Variants in GRIPAP1 observed in about 807,000 individuals in gnomAD.
The protein encoded by GRIPAP1 is GRIP1-associated protein 1.
In GRIPAP1, 14 loss-of-function variants were observed where a neutral mutation model predicts 84.1. That is an observed-to-expected ratio of 0.17 (90% CI 0.11 to 0.26). The LOEUF is 0.26. GRIPAP1 is among the 10% of genes least tolerant of loss of function. The probability of loss-of-function intolerance (pLI) is 1.00; values close to 1 mark genes in which losing one functional copy is unlikely to be tolerated. For missense variants in GRIPAP1, 518 were observed against 674.2 expected, an observed-to-expected ratio of 0.77 and a Z score of 2.57; for synonymous variants, 261 against 256.8, an observed-to-expected ratio of 1.02 and a Z score of -0.15.
intron 21 of GRIPAP1, among the ~76,000 whole-genome samples, chrX:48,980,094 T>G (rs1170896591): frequency 9.1e-6 from 1 of 110,483 alleles, no homozygotes; most frequent in East Asian, 2.9e-4. Flanking sequence ...GTATCCCGAG[T>G]GGGGGAATAA....
chrX:49,000,364 CAAAAAAA>C (rs1156902802), intron 1 of GRIPAP1, among the ~76,000 whole-genome samples: 5 of 22,217 alleles, frequency 2.3e-4, no homozygotes, highest in African/African-American at 1.2e-3. Context: ...GACTCTGTCT[CAAAAAAA>C]AAAAAAAAAA....
At chrX:48,999,390 C>T (rs377601957) in intron 2 of GRIPAP1, 48 bp downstream of exon 2, 18 of 1,122,745 alleles carry the variant, frequency 1.6e-5, no homozygotes, top group Non-Finnish European at 2.2e-5. Flanking sequence ...AAACCTCGGA[C>T]ACCATTCCCC....
Position 48,999,284 on chromosome X carries a change from C to T in GRIPAP1, c.125G>A (p.Arg42Gln). 8.3e-7 allele frequency: 1 copy of T among 1,208,505 alleles called. No individual in the cohort carries two copies. Among genetic ancestry groups the T allele is most frequent in the Non-Finnish European group, 1.1e-6 (1 of 892,779 alleles). Reference sequence around the variant, plus strand: ...CTTATCCAAGTAGGCGACCTTCTGTCGAAGACTGGTGAGTTCTGGTGTCGG... The same window carrying T: ...CTTATCCAAGTAGGCGACCTTCTGTTGAAGACTGGTGAGTTCTGGTGTCGG... ...RKNGVELTSL[R>Q]QKVAYLDKEF... Residue 42 changes from arginine (R) to glutamine (Q), a missense_variant, in exon 3 of 26, where the codon CGA becomes CAA. This residue lies in a region of GRIPAP1 where 372 missense variants were observed against 458.1 expected (regional missense o/e 0.81). Coordinates refer to ENST00000376423, the MANE Select transcript of GRIPAP1 (RefSeq NM_020137.5).
rs1218360444 is a variant in GRIPAP1 at position 48,999,294 on chromosome X, T to C, written c.115A>G (p.Thr39Ala). Reference sequence around the variant, plus strand: ...TAGGCGACCTTCTGTCGAAGACTGGTGAGTTCTGGTGTCGGGAAAGCAGGG... The same window carrying C: ...TAGGCGACCTTCTGTCGAAGACTGGCGAGTTCTGGTGTCGGGAAAGCAGGG... ...DELRKNGVEL[T>A]SLRQKVAYLD... is the part of the protein sequence containing the mutation. Residue 39 changes from threonine (T) to alanine (A), a missense_variant, in exon 3 of 26, where the codon ACC becomes GCC. This residue lies in a region of GRIPAP1 where 372 missense variants were observed against 458.1 expected (regional missense o/e 0.81). Transcript: ENST00000376423. 3 of 1,203,769 alleles carry C rather than the reference T, an allele frequency of 2.5e-6. No homozygotes were observed. Among genetic ancestry groups the C allele is most frequent in the Non-Finnish European group, 3.4e-6 (3 of 889,959 alleles).
intron 14 of GRIPAP1, among the ~76,000 whole-genome samples, chrX:48,984,194 G>A (rs1229408239): frequency 9.0e-5 from 10 of 111,013 alleles, no homozygotes; most frequent in Admixed American, 2.9e-4. Flanking sequence ...TTAAAGGAAA[G>A]GGGCACACTC....
intron 21 of GRIPAP1, 34 bp from the exon 22 acceptor site, chrX:48,978,469 A>C: frequency 8.7e-7 from 1 of 1,146,463 alleles, no homozygotes; most frequent in Non-Finnish European, 1.2e-6. Context: ...CTTGAGCCCC[A>C]ATACCCCTGA....
In GRIPAP1 at chrX:48,978,269, A is replaced by G. The variant is rs781860051; in HGVS notation, c.2061+36T>C. On this transcript the variant is annotated intron_variant, in intron 22 of 25. Coordinates refer to ENST00000376423, the MANE Select transcript of GRIPAP1 (RefSeq NM_020137.5). ...GGGGTTCTCAGATTTTTGGGTTGAG[A>G]GAAGCTGGAGCTGTAGGTTCTTCCT... 10 of 1,202,907 alleles carry G rather than the reference A, an allele frequency of 8.3e-6. No individual in the cohort carries two copies. In the East Asian group the frequency reaches 2.7e-4, roughly 32 times the overall value.
chrX:48,998,080 A>T (rs2064557232), intron 4 of GRIPAP1, 74 bp downstream of exon 4: 1 of 758,785 alleles, frequency 1.3e-6, no homozygotes, highest in Non-Finnish European at 2.1e-6. Flanking sequence ...GGCCAGTACA[A>T]GGAAATATCA....
At position 48,999,409 on chromosome X, in the gene GRIPAP1, C is replaced by T. The variant is rs782575026; in HGVS notation, c.109+29G>A. ...CTCGGACACCATTCCCCAAAGCCAC[C>T]CCCATCTAATAAGGCCCTCCTGGCT... On this transcript the variant is annotated intron_variant, in intron 2 of 25. Coordinates refer to ENST00000376423, the MANE Select transcript of GRIPAP1 (RefSeq NM_020137.5). 14 of 1,152,496 alleles carry T rather than the reference C, an allele frequency of 1.2e-5. No individual in the cohort carries two copies. In the South Asian group the frequency reaches 2.5e-4, roughly 21 times the overall value. The allele number at this position is 1,152,496 out of a possible 1,213,427, so 95.0% of individuals were successfully genotyped here.
At chrX:48,990,042 T>C in intron 8 of GRIPAP1, 39 bp from the exon 9 acceptor site, 1 of 1,057,842 alleles carries the variant, frequency 9.5e-7, no homozygotes, top group Non-Finnish European at 1.3e-6. Flanking sequence ...ACATTGAGAA[T>C]AATATAAAGA....
At chrX:48,974,943 G>A (rs1023561194) in intron 25 of GRIPAP1, among the ~76,000 whole-genome samples, 1 of 111,019 alleles carries the variant, frequency 9.0e-6, no homozygotes, top group Non-Finnish European at 1.9e-5. Context: ...ATAAATGGAT[G>A]AGCGGGTACA....
At chrX:48,999,351 A>G (rs1403524112) in intron 2 of GRIPAP1, 52 bp from the exon 3 acceptor site, 3 of 1,139,101 alleles carry the variant, frequency 2.6e-6, no homozygotes, top group Non-Finnish European at 3.6e-6. Context: ...CAAGAAACTG[A>G]AAGGCCTTCC....
chrX:48,995,440 G>A (rs1223318510), intron 5 of GRIPAP1, among the ~76,000 whole-genome samples: 1 of 111,419 alleles, frequency 9.0e-6, no homozygotes, highest in Non-Finnish European at 1.9e-5. Context: ...ATTAAGTAAA[G>A]GAGTGATGTC....
chrX:48,979,651 G>A (rs1041606978), intron 21 of GRIPAP1, among the ~76,000 whole-genome samples: 5 of 105,932 alleles, frequency 4.7e-5, no homozygotes, highest in South Asian at 4.4e-4. Flanking sequence ...CAGTCTTGTC[G>A]CCCAGGCTGG....
rs2064454824 is a variant in GRIPAP1 at position 48,981,252 on chromosome X, T to G, written c.1893A>C (p.Arg631=). 8.3e-7 allele frequency: 1 copy of G among 1,210,226 alleles called. No homozygotes were observed. The highest frequency in any genetic ancestry group is 1.1e-6 in the Non-Finnish European group (1 of 894,352). ...TGCTGTTAGTGAGGATGTCCTGCAG[T>G]CGCTCCTGCAGCTTATCTGCCCGTT... is the stretch of plus-strand genomic sequence containing the variant. ...ERKRADKLQE[R]LQDILTNSKS... Residue 631 remains arginine (R), a synonymous_variant, in exon 21 of 26, where the codon CGA becomes CGC. Transcript: ENST00000376423.
rs974803685 is a variant in GRIPAP1, at chrX:48,976,094, C to T, written c.2202G>A (p.Val734=). 3 of 1,208,899 alleles carry T rather than the reference C, an allele frequency of 2.5e-6. No individual in the cohort carries two copies. Among genetic ancestry groups the T allele is most frequent in the Middle Eastern group, 4.6e-4 (2 of 4,371 alleles). Reference sequence around the variant, plus strand: ...GGTCCTCTGCCATGGAAGCACTGCTCACTTCCAGGTGCTTCACCTGCAAGA... The same window carrying T: ...GGTCCTCTGCCATGGAAGCACTGCTTACTTCCAGGTGCTTCACCTGCAAGA... ...MLEEKVKHLE[V]SSASMAEDLC... The change falls in exon 24 of 26, where the codon GTG becomes GTA. Residue 734 remains valine, a synonymous_variant. Transcript: ENST00000376423.
intron 15 of GRIPAP1, 60 bp from the exon 16 acceptor site, chrX:48,983,500 C>A (rs1274790967): frequency 5.0e-6 from 5 of 998,675 alleles, no homozygotes; most frequent in Non-Finnish European, 7.0e-6. Context: ...AGGCCTCCAA[C>A]CCTCTTCCCA....
At chrX:48,988,045 G>A (rs1346458795) in intron 12 of GRIPAP1, 76 bp downstream of exon 12, 2 of 825,594 alleles carry the variant, frequency 2.4e-6, no homozygotes, top group African/African-American at 2.1e-5. Context: ...CTGGGACCTT[G>A]CCTGACTATG....
intron 6 of GRIPAP1, among the ~76,000 whole-genome samples, chrX:48,992,698 A>G (rs1180710654): frequency 9.0e-6 from 1 of 111,155 alleles, no homozygotes; most frequent in Non-Finnish European, 1.9e-5. Context: ...CTGCTCTCCA[A>G]AGTTCCACAC....
Sources: allele counts gnomAD v4.1 joint callset (sites outside exome capture counted in the v4.1 genomes callset), GRCh38; gene constraint gnomAD v4.1.1; regional missense constraint gnomAD v4.1.1; transcripts MANE v1.5; gene names NCBI Gene and HGNC (gene_info 2026-07-23, HGNC 2026-07-21).